SEMA3A: variants seen among roughly 807,000 people sequenced by gnomAD.
The protein encoded by SEMA3A is semaphorin 3A, also known as semaphorin-3A.
A neutral mutation model predicts 97.9 loss-of-function variants in SEMA3A; 29 were observed. That is an observed-to-expected ratio of 0.30 (90% CI 0.22 to 0.40). The LOEUF is 0.40. Among genes scored for constraint, SEMA3A ranks in the 10% least tolerant of loss-of-function variants. The pLI is 1.00. For missense variants in SEMA3A, 763 were observed against 951.3 expected, an observed-to-expected ratio of 0.80 and a Z score of 2.60; for synonymous variants, 321 against 323.7, an observed-to-expected ratio of 0.99 and a Z score of 0.09.
At chr7:84,370,021 T>C (rs1162554268) in intron 2 of SEMA3A, among the ~76,000 whole-genome samples, 1 of 151,286 alleles carries the variant, frequency 6.6e-6, no homozygotes, top group Non-Finnish European at 1.5e-5. Flanking sequence ...GGTAAGGATG[T>C]AGACTGCTTT....
At chr7:84,346,841 C>G (rs143399704) in intron 2 of SEMA3A, among the ~76,000 whole-genome samples, 1 of 152,072 alleles carries the variant, frequency 6.6e-6, no homozygotes, top group Non-Finnish European at 1.5e-5. Context: ...CGTTGCTTAA[C>G]GCAGGGTTGC....
chr7:84,041,628 T>C (rs888890703), intron 6 of SEMA3A, among the ~76,000 whole-genome samples: 1 of 152,138 alleles, frequency 6.6e-6, no homozygotes, highest in Non-Finnish European at 1.5e-5. Context: ...CATACACTAC[T>C]TACTCATAGA....
chr7:84,005,502 A>C lies in SEMA3A; in HGVS notation c.1197T>G (p.Val399=), dbSNP rs772416923. The change falls in exon 11 of 17, where the codon GTT becomes GTG. Residue 399 remains valine, a synonymous_variant. Coordinates refer to ENST00000265362, the MANE Select transcript of SEMA3A (RefSeq NM_006080.3). ...FDSTKDLPDD[V]ITFARSHPAM... ...CTGGATGACTTCTTGCAAAGGTTAT[A>C]ACATCATCAGGAAGGTCCTTTGTAG... The C allele has an allele frequency of 1.9e-6, 3 of 1,614,072 alleles. No homozygotes were observed. Among genetic ancestry groups the C allele is most frequent in the East Asian group, 4.5e-5 (2 of 44,856 alleles).
chr7:84,051,326 T>C (rs1385725544), intron 5 of SEMA3A, among the ~76,000 whole-genome samples: 1 of 152,194 alleles, frequency 6.6e-6, no homozygotes, highest in African/African-American at 2.4e-5. Context: ...ACGATATTGA[T>C]TCTTCCTACC....
chr7:84,052,140 A>C (rs1181590670), intron 5 of SEMA3A, among the ~76,000 whole-genome samples: 2 of 151,930 alleles, frequency 1.3e-5, no homozygotes, highest in East Asian at 3.9e-4. Context: ...TTTTTGCATC[A>C]ATGTTCATCA....
At chr7:84,445,917 T>G (rs568854715) in intron 1 of SEMA3A, among the ~76,000 whole-genome samples, 1 of 151,878 alleles carries the variant, frequency 6.6e-6, no homozygotes, top group East Asian at 1.9e-4. Context: ...AACCAAAAGT[T>G]TACCCTCTTA....
intron 4 of SEMA3A, among the ~76,000 whole-genome samples, chr7:84,093,038 T>C (rs899121520): frequency 6.6e-6 from 1 of 152,164 alleles, no homozygotes; most frequent in Non-Finnish European, 1.5e-5. Context: ...ATATGTCAAA[T>C]ATAGAAAATG....
At chr7:84,280,274 A>C (rs1008665619) in intron 3 of SEMA3A, among the ~76,000 whole-genome samples, 1 of 152,170 alleles carries the variant, frequency 6.6e-6, no homozygotes, top group Non-Finnish European at 1.5e-5. Flanking sequence ...CTATATGTCC[A>C]CAGCATGCTT....
chr7:84,385,141 T>C (rs1803366313), intron 1 of SEMA3A, among the ~76,000 whole-genome samples: 1 of 149,984 alleles, frequency 6.7e-6, no homozygotes, highest in Non-Finnish European at 1.5e-5. Flanking sequence ...ACAGATACCA[T>C]TAGAAAAGGG....
intron 3 of SEMA3A, among the ~76,000 whole-genome samples, chr7:84,223,937 G>T (rs916268375): frequency 6.6e-5 from 10 of 151,716 alleles, no homozygotes; most frequent in African/African-American, 1.7e-4. Context: ...ATAAAATCTT[G>T]CCAAAAGCAA....
chr7:84,106,209 A>G (rs140067115), intron 4 of SEMA3A, among the ~76,000 whole-genome samples: 18 of 152,310 alleles, frequency 1.2e-4, no homozygotes, highest in African/African-American at 4.3e-4. Context: ...GTAGGATGGT[A>G]GGCCCCTAGG....
At chr7:84,327,683 T>C (rs2115935449) in intron 2 of SEMA3A, among the ~76,000 whole-genome samples, 1 of 152,108 alleles carries the variant, frequency 6.6e-6, no homozygotes, top group East Asian at 1.9e-4. Flanking sequence ...TGTTTAATTT[T>C]TCAAAGTAGC....
intron 1 of SEMA3A, among the ~76,000 whole-genome samples, chr7:84,150,656 A>G (rs202063524): frequency 6.6e-6 from 1 of 151,832 alleles, no homozygotes; most frequent in African/African-American, 2.4e-5. Context: ...GGCAGTGAGG[A>G]TGGGGGAGGG....
chr7:84,183,247 C>T (rs776613765), intron 1 of SEMA3A, among the ~76,000 whole-genome samples: 3 of 152,182 alleles, frequency 2.0e-5, no homozygotes, highest in South Asian at 4.1e-4. Flanking sequence ...ACCTAGAAAG[C>T]GTCAGAGCCT....
chr7:84,067,060 C>G (rs140886566), intron 4 of SEMA3A, among the ~76,000 whole-genome samples: 21,813 of 151,972 alleles, frequency 0.14, 1,822 homozygotes, highest in East Asian at 0.37. Context: ...CATGGTACTG[C>G]TACCAAAACA....
chr7:84,015,884 C>T (rs1791079094), intron 6 of SEMA3A, among the ~76,000 whole-genome samples: 1 of 152,058 alleles, frequency 6.6e-6, no homozygotes, highest in Non-Finnish European at 1.5e-5. Flanking sequence ...GAAATATTAC[C>T]TGTTCATATT....
intron 1 of SEMA3A, among the ~76,000 whole-genome samples, chr7:84,432,914 T>C (rs1417275601): frequency 1.3e-5 from 2 of 151,300 alleles, no homozygotes; most frequent in Admixed American, 6.6e-5. Context: ...ATATACCTAG[T>C]AACAGGATTG....
intron 4 of SEMA3A, among the ~76,000 whole-genome samples, chr7:84,073,819 G>C (rs1793835941): frequency 1.5e-5 from 2 of 137,786 alleles, no homozygotes; most frequent in Admixed American, 7.9e-5. Flanking sequence ...TGTTGCATCA[G>C]AATCCTCTTT....
At chr7:84,412,950 A>T (rs1804312993) in intron 1 of SEMA3A, among the ~76,000 whole-genome samples, 1 of 152,024 alleles carries the variant, frequency 6.6e-6, no homozygotes, top group Non-Finnish European at 1.5e-5. Context: ...ACACACACTC[A>T]CACACACACA....
Sources: gnomAD v4.1 joint callset for allele counts (sites outside exome capture counted in the v4.1 genomes callset) on GRCh38, gnomAD v4.1.1 for gene constraint, MANE v1.5 for transcripts, NCBI Gene and HGNC (gene_info 2026-07-23, HGNC 2026-07-21) for gene names.